Variants in SPOCK1 observed in about 807,000 individuals in gnomAD.
The protein encoded by SPOCK1 is SPARC (osteonectin), cwcv and kazal like domains proteoglycan 1.
Under a neutral mutation model 55.3 loss-of-function variants are expected in SPOCK1, and 23 were observed. The ratio of observed to expected loss-of-function variants is 0.42; its 90% confidence interval spans 0.30 to 0.59. The LOEUF is 0.59. SPOCK1 is among the 20% of genes least tolerant of loss of function. The pLI, the probability that SPOCK1 is intolerant of heterozygous loss-of-function variation, is 0.22. For missense variants in SPOCK1, 499 were observed against 552.5 expected (o/e 0.90, Z 0.97); for synonymous variants, 226 against 221.0 (o/e 1.02, Z -0.20).
At chr5:137,345,712 G>A (rs144789508) in intron 2 of SPOCK1, among the ~76,000 whole-genome samples, 12 of 152,312 alleles carry the variant, frequency 7.9e-5, no homozygotes, top group African/African-American at 2.9e-4. Flanking sequence ...GCTGAGCCCA[G>A]GAATGTGTAA....
rs9918139 is a variant in SPOCK1 at position 137,097,780 on chromosome 5, T to G, written c.474+14655A>C. ...GAATGAAAACGGACCCAAATACCAC[T>G]GCATCTGCCACATTGGGTGCTGCCA... On this transcript the variant is annotated intron_variant, in intron 5 of 10. Transcript: ENST00000394945. Among the ~76,000 whole-genome samples, 973 of 152,144 alleles carry G rather than the reference T, an allele frequency of 6.4e-3. 14 individuals carry two copies. Among genetic ancestry groups the G allele is most frequent in the African/African-American group, 0.022 (900 of 41,414 alleles).
rs191881312 is a variant in SPOCK1, at chr5:137,397,455, C to A, written c.186+100918G>T. 1.2e-4 allele frequency among the ~76,000 whole-genome samples: 18 copies of A among 152,304 alleles called. No individual in the cohort carries two copies. In the East Asian group the frequency reaches 2.7e-3, roughly 23 times the overall value. ...ACTGGATCATAAACTCCTTAAAAATCTTAAGGACAGAGATCAAGTCTGTCC... is the reference window on the plus strand; with the variant it reads ...ACTGGATCATAAACTCCTTAAAAATATTAAGGACAGAGATCAAGTCTGTCC... On this transcript the variant is annotated intron_variant, in intron 2 of 10. Transcript: ENST00000394945.
chr5:137,256,776 C>T (rs1756642876), intron 3 of SPOCK1, among the ~76,000 whole-genome samples: 1 of 152,100 alleles, frequency 6.6e-6, no homozygotes, highest in African/African-American at 2.4e-5. Flanking sequence ...TACGCAGCTG[C>T]ACCAAGTCAG....
intron 5 of SPOCK1, among the ~76,000 whole-genome samples, chr5:137,083,906 G>A (rs1752916004): frequency 6.6e-6 from 1 of 151,974 alleles, no homozygotes; most frequent in Admixed American, 6.6e-5. Context: ...ATATCACCGA[G>A]AGGAAAGAAT....
At chr5:137,456,944 T>C (rs1753380521) in intron 2 of SPOCK1, among the ~76,000 whole-genome samples, 1 of 152,258 alleles carries the variant, frequency 6.6e-6, no homozygotes, top group Non-Finnish European at 1.5e-5. Context: ...TATATTAACC[T>C]TTGTTTCAAG....
intron 2 of SPOCK1, among the ~76,000 whole-genome samples, chr5:137,318,887 G>A (rs901898662): frequency 2.6e-5 from 4 of 152,160 alleles, no homozygotes; most frequent in Admixed American, 6.5e-5. Context: ...TTTACTGACC[G>A]ATTCACCTGC....
Position 136,995,721 on chromosome 5 carries a change from G to A in SPOCK1, c.590-3121C>T, listed in dbSNP as rs1751028066. On this transcript the variant is annotated intron_variant, in intron 6 of 10. Transcript: ENST00000394945. The stretch of plus-strand genomic sequence containing the variant: ...TTAACTAAACCCTGACAGATGTGCA[G>A]GTAATCTGTATCTTTACAAGACTGC... Among the ~76,000 whole-genome samples the A allele has an allele frequency of 2.0e-5, 3 of 152,292 alleles. No homozygotes were observed. The South Asian group carries it at 6.2e-4, about 32-fold the overall frequency.
chr5:137,099,959 A>T (rs1753229241), intron 5 of SPOCK1, among the ~76,000 whole-genome samples: 1 of 152,070 alleles, frequency 6.6e-6, no homozygotes, highest in Non-Finnish European at 1.5e-5. Flanking sequence ...CTCTCTCCCT[A>T]CAACCAGGGA....
chr5:137,441,945 C>T (rs1753023556), intron 2 of SPOCK1, among the ~76,000 whole-genome samples: 1 of 152,108 alleles, frequency 6.6e-6, no homozygotes. Context: ...AATAAATGGT[C>T]CCAGAGCCAC....
chr5:137,160,623 T>TATATATAATATA (rs1561631835), intron 3 of SPOCK1, among the ~76,000 whole-genome samples: 1 of 79,438 alleles, frequency 1.3e-5, no homozygotes, highest in African/African-American at 6.0e-5. Context: ...TAATATATAT[T>TATATATAATATA]TTATATAATA....
chr5:137,188,030 T>G (rs965642939), intron 3 of SPOCK1, among the ~76,000 whole-genome samples: 1 of 152,234 alleles, frequency 6.6e-6, no homozygotes, highest in Non-Finnish European at 1.5e-5. Context: ...AACACATCTC[T>G]TGCTTAGCAG....
chr5:137,370,414 C>T (rs1489715234), intron 2 of SPOCK1, among the ~76,000 whole-genome samples: 1 of 152,186 alleles, frequency 6.6e-6, no homozygotes, highest in Non-Finnish European at 1.5e-5. Flanking sequence ...AAGGCTCTAA[C>T]AGGCATTGGA....
At chr5:137,184,172 T>C (rs1344997722) in intron 3 of SPOCK1, among the ~76,000 whole-genome samples, 2 of 152,180 alleles carry the variant, frequency 1.3e-5, no homozygotes, top group Non-Finnish European at 2.9e-5. Flanking sequence ...TAAAGTAGGC[T>C]TTTGCAGTGA....
chr5:137,489,837 C>T (rs1332088861), intron 2 of SPOCK1, among the ~76,000 whole-genome samples: 2 of 152,250 alleles, frequency 1.3e-5, no homozygotes, highest in African/African-American at 2.4e-5. Flanking sequence ...GGCCTCTCCT[C>T]ACCTGGTTCA....
At chr5:137,270,556 A>T (rs1756942468) in intron 2 of SPOCK1, among the ~76,000 whole-genome samples, 1 of 152,250 alleles carries the variant, frequency 6.6e-6, no homozygotes, top group African/African-American at 2.4e-5. Context: ...AATCCATTTC[A>T]CTATAGCATT....
At chr5:137,133,837 A>T (rs1226787390) in intron 4 of SPOCK1, among the ~76,000 whole-genome samples, 5 of 152,162 alleles carry the variant, frequency 3.3e-5, no homozygotes, top group African/African-American at 1.2e-4. Flanking sequence ...GCACAGAAAG[A>T]AGAAATAGGT....
chr5:137,357,583 T>C (rs575979902), intron 2 of SPOCK1, among the ~76,000 whole-genome samples: 1 of 151,828 alleles, frequency 6.6e-6, no homozygotes, highest in East Asian at 1.9e-4. Flanking sequence ...CGAGTAGGAG[T>C]TGCCAGGCAG....
At chr5:137,271,491 T>A (rs1441752612) in intron 2 of SPOCK1, among the ~76,000 whole-genome samples, 6 of 151,896 alleles carry the variant, frequency 4.0e-5, no homozygotes, top group Non-Finnish European at 7.4e-5. Flanking sequence ...TCCAATGAAA[T>A]AATTAAGTCT....
chr5:137,288,547 T>C (rs1314334489), intron 2 of SPOCK1, among the ~76,000 whole-genome samples: 4 of 152,134 alleles, frequency 2.6e-5, no homozygotes, highest in Non-Finnish European at 5.9e-5. Flanking sequence ...CTTTAATCAG[T>C]GAATACAGAG....
Sources: allele counts gnomAD v4.1 joint callset (sites outside exome capture counted in the v4.1 genomes callset), GRCh38; gene constraint gnomAD v4.1.1; transcripts MANE v1.5; gene names NCBI Gene and HGNC (gene_info 2026-07-23, HGNC 2026-07-21).